Variants in HMCN2 observed in about 807,000 individuals in gnomAD.
The protein encoded by HMCN2 is hemicentin 2.
HMCN2 carries 325 observed loss-of-function variants against 377.5 expected under a neutral mutation model. The ratio of observed to expected loss-of-function variants is 0.86; its 90% CI spans 0.79 to 0.94. The LOEUF (loss-of-function observed/expected upper bound fraction) is 0.94. Ranked by LOEUF, HMCN2 falls within the 40% of genes least tolerant of loss-of-function variation. The pLI is 0.00. For missense variants in HMCN2, 4,543 were observed against 4,725.3 expected, an observed-to-expected ratio of 0.96 and a Z score of 1.13; for synonymous variants, 2,007 against 2,046.8, an observed-to-expected ratio of 0.98 and a Z score of 0.53.
chr9:130,405,128 T>G (rs1466648606), intron 81 of HMCN2, 69 bp downstream of exon 81: 2 of 1,088,066 alleles, frequency 1.8e-6, no homozygotes, highest in African/African-American at 3.3e-5. Flanking sequence ...TGCTCTGCGC[T>G]GAGCACTATG....
chr9:130,427,533 C>G lies in HMCN2; in HGVS notation c.13979C>G (p.Ser4660Cys), dbSNP rs1844451343. The G allele has an allele frequency of 2.6e-6, 4 of 1,550,410 alleles. No homozygotes were observed. The highest frequency in any genetic ancestry group is 3.5e-6 in the Non-Finnish European group (4 of 1,146,990). The change falls in exon 92 of 98, where the codon TCC (serine) becomes TGC (cysteine). Residue 4660 changes from serine to cysteine, a missense_variant. Ser to Cys is a moderately radical substitution (Grantham distance 112, BLOSUM62 -1). Around this residue, in one of 5 missense-constraint regions of HMCN2, gnomAD observed 1,155 missense variants for 1,157.7 expected, o/e 1.00. Coordinates refer to ENST00000683500, the MANE Select transcript of HMCN2 (RefSeq NM_001291815.2). ...DECSGGPSPC[S>C]HACLNAPGRF... ...TGCTCAGGAGGCCCTAGCCCCTGCT[C>G]CCATGCCTGCCTTAATGCACCCGGC...
At chr9:130,278,651 C>T (rs536863309) in intron 1 of HMCN2, among the ~76,000 whole-genome samples, 6 of 151,774 alleles carry the variant, frequency 4.0e-5, no homozygotes, top group African/African-American at 7.3e-5. Flanking sequence ...GGCACGATCT[C>T]GGCTCACTGC....
At chr9:130,366,466 A>ATTTT (rs1564821371) in intron 43 of HMCN2, among the ~76,000 whole-genome samples, 4 of 84,816 alleles carry the variant, frequency 4.7e-5, no homozygotes, top group Admixed American at 1.7e-4. Context: ...TCACTTCACC[A>ATTTT]ATTTTTTTTT....
At chr9:130,287,538 T>G (rs1554928366) in intron 4 of HMCN2, among the ~76,000 whole-genome samples, 1 of 104,228 alleles carries the variant, frequency 9.6e-6, no homozygotes, top group Non-Finnish European at 1.8e-5. Context: ...GCAACAAGAG[T>G]GAAACTCTGT....
At position 130,353,220 on chromosome 9, in the gene HMCN2, G is replaced by A. The variant is rs760462255; in HGVS notation, c.4864+15G>A. ...GGATGTTTATGGTGAGCAGCCAGGG[G>A]CCACGGCAGCCGGGGTGGGCAGTGG... On this transcript the variant is annotated intron_variant, in intron 31 of 97. Coordinates refer to ENST00000683500, the MANE Select transcript of HMCN2 (RefSeq NM_001291815.2). The A allele has an allele frequency of 1.5e-6, 2 of 1,300,988 alleles. No individual in the cohort carries two copies. The highest frequency in any genetic ancestry group is 5.6e-5 in the East Asian group (1 of 17,998). The allele number at this position is 1,300,988 out of a possible 1,614,324, so 80.6% of individuals were successfully genotyped here. A position where few individuals can be genotyped will look rare whatever the true frequency, so the allele number is the denominator to read the frequency against.
chr9:130,423,966 A>C lies in HMCN2; in HGVS notation c.13382-810A>C, dbSNP rs886437244. Among the ~76,000 whole-genome samples, 25 of 151,632 alleles carry C rather than the reference A, an allele frequency of 1.6e-4. No individual in the cohort carries two copies. The highest frequency in any genetic ancestry group is 2.9e-4 in the Non-Finnish European group (20 of 67,914). On this transcript the variant is annotated intron_variant, in intron 87 of 97. Transcript: ENST00000683500. This position sits in a 1 kb window ranked among gnomAD's most constrained non-coding sequence, Gnocchi z 5.5. Reference sequence around the variant, plus strand: ...ACTGAGTTAAATATCAACAAGGTACATGCATTTATTTCTTCTTTTTTTTTT... The same window carrying C: ...ACTGAGTTAAATATCAACAAGGTACCTGCATTTATTTCTTCTTTTTTTTTT...
At chr9:130,346,707 GA>G (rs1162180608) in intron 25 of HMCN2, among the ~76,000 whole-genome samples, 1 of 152,032 alleles carries the variant, frequency 6.6e-6, no homozygotes, top group East Asian at 1.9e-4. Context: ...TGGCAGCAGG[GA>G]AAAAAACAAA....
At chr9:130,367,941 CAAAA>C (rs10565235) in intron 43 of HMCN2, among the ~76,000 whole-genome samples, 5 of 75,502 alleles carry the variant, frequency 6.6e-5, no homozygotes, top group African/African-American at 2.0e-4. Flanking sequence ...GACTCTGTCT[CAAAA>C]AAAAAAAAAA....
chr9:130,335,335 AT>A (rs1838688336), intron 22 of HMCN2, among the ~76,000 whole-genome samples: 1 of 152,052 alleles, frequency 6.6e-6, no homozygotes, highest in Non-Finnish European at 1.5e-5. Flanking sequence ...AACATATTTA[AT>A]TTTTTAAAAA....
chr9:130,267,554 G>A (rs1188336617), intron 1 of HMCN2, among the ~76,000 whole-genome samples: 1 of 152,160 alleles, frequency 6.6e-6, no homozygotes, highest in African/African-American at 2.4e-5. Flanking sequence ...GGCTGTATGA[G>A]CCAGCAAGTC....
intron 86 of HMCN2, 53 bp downstream of exon 86, chr9:130,419,094 G>A (rs975123225): frequency 9.7e-5 from 140 of 1,437,720 alleles, no homozygotes; most frequent in African/African-American, 3.4e-4. Context: ...ATCTCTTGCC[G>A]ATGGGGATTG....
chr9:130,328,352 C>A (rs1838257575), intron 22 of HMCN2, among the ~76,000 whole-genome samples: 1 of 152,142 alleles, frequency 6.6e-6, no homozygotes, highest in Non-Finnish European at 1.5e-5. Flanking sequence ...CACAGCTCCC[C>A]TAGAAAGCCC....
At chr9:130,379,751 C>T (rs113932612) in intron 54 of HMCN2, among the ~76,000 whole-genome samples, 269 of 152,358 alleles carry the variant, frequency 1.8e-3, no homozygotes, top group African/African-American at 6.2e-3. Flanking sequence ...AGGCAGCTGG[C>T]TTCTTTGTTA....
intron 7 of HMCN2, among the ~76,000 whole-genome samples, chr9:130,298,461 C>G (rs1276461339): frequency 6.6e-6 from 1 of 152,150 alleles, no homozygotes; most frequent in Admixed American, 6.5e-5. Flanking sequence ...GAGTTTGAGG[C>G]TGCAGTGAGC....
At chr9:130,384,925 C>A in intron 59 of HMCN2, 127 bp downstream of exon 59, 1 of 531,678 alleles carries the variant, frequency 1.9e-6, no homozygotes, top group Non-Finnish European at 3.1e-6. Flanking sequence ...GACGCCCGCA[C>A]AGATCAGCTC....
At chr9:130,408,971 G>A (rs748281267) in intron 84 of HMCN2, 38 bp downstream of exon 84, 15 of 1,250,984 alleles carry the variant, frequency 1.2e-5, no homozygotes, top group Non-Finnish European at 1.6e-5. Flanking sequence ...GGGCCACTGA[G>A]GACAACTCTA....
At position 130,321,295 on chromosome 9, in the gene HMCN2, C is replaced by T. The variant is rs1490329526; in HGVS notation, c.2775+392C>T. On this transcript the variant is annotated intron_variant, in intron 18 of 97. Transcript: ENST00000683500. ...CCTATCTGCCCCAGACACCGGCGCG[C>T]GCTGAACGCACAGTGGTTGCCTTAT... 2.0e-5 allele frequency among the ~76,000 whole-genome samples: 3 copies of T among 147,536 alleles called. 1 individual carries two copies. Among genetic ancestry groups the T allele is most frequent in the Non-Finnish European group, 4.6e-5 (3 of 65,224 alleles).
intron 29 of HMCN2, among the ~76,000 whole-genome samples, chr9:130,350,654 A>G (rs970211606): frequency 1.6e-4 from 25 of 151,920 alleles, no homozygotes; most frequent in South Asian, 4.2e-4. Context: ...TGGGAGGCTG[A>G]GGTGGGCAGA....
chr9:130,406,837 A>G (rs1420117275), intron 82 of HMCN2: 3 of 154,326 alleles, frequency 1.9e-5, no homozygotes, highest in African/African-American at 7.2e-5. Context: ...CAGAATGACA[A>G]TGGAGGGGCC....
Sources: gnomAD v4.1 joint callset for allele counts (sites outside exome capture counted in the v4.1 genomes callset) on GRCh38, gnomAD v4.1.1 for gene constraint, gnomAD v4.1.1 regional missense constraint, Gnocchi (gnomAD v3.1) non-coding constraint, MANE v1.5 for transcripts, NCBI Gene and HGNC (gene_info 2026-07-23, HGNC 2026-07-21) for gene names.